The following NETO1 variants were observed in gnomAD, a reference collection of about 807,000 sequenced individuals.
NETO1 encodes neuropilin and tolloid like 1, also known as neuropilin and tolloid-like protein 1.
A neutral mutation model predicts 61.3 loss-of-function variants in NETO1; 26 were observed. The observed-to-expected ratio is 0.42, with a 90% CI of 0.31 to 0.59. The LOEUF (loss-of-function observed/expected upper bound fraction) is 0.59, where lower values mean the gene tolerates loss of function less well. Among genes scored for constraint, NETO1 ranks in the 20% least tolerant of loss-of-function variants. NETO1 has a pLI of 0.12. For missense variants in NETO1, 531 were observed against 662.8 expected, an observed-to-expected ratio of 0.80 and a Z score of 2.18; for synonymous variants, 225 against 225.8, an observed-to-expected ratio of 1.00 and a Z score of 0.03.
At chr18:72,834,410 A>G in intron 4 of NETO1, 1 of 966,454 alleles carries the variant, frequency 1.0e-6, no homozygotes. Context: ...AGGGAGTATA[A>G]GAAAATTTCA....
chr18:72,826,645 G>A (rs944824913), intron 4 of NETO1, among the ~76,000 whole-genome samples: 12 of 151,580 alleles, frequency 7.9e-5, no homozygotes, highest in East Asian at 3.9e-4. Flanking sequence ...TTCTGTTTCC[G>A]TGAGACAGGT....
intron 7 of NETO1, among the ~76,000 whole-genome samples, chr18:72,765,610 G>T (rs905089317): frequency 6.6e-6 from 1 of 151,846 alleles, no homozygotes; most frequent in Non-Finnish European, 1.5e-5. Context: ...GTAGAGATGG[G>T]GTTTCATCAT....
chr18:72,849,696 C>T (rs1470107814), intron 4 of NETO1, among the ~76,000 whole-genome samples: 1 of 152,180 alleles, frequency 6.6e-6, no homozygotes, highest in Non-Finnish European at 1.5e-5. Context: ...ATTACCACAA[C>T]TTAGAACCTT....
At chr18:72,826,957 T>C (rs7236496) in intron 4 of NETO1, among the ~76,000 whole-genome samples, 122,466 of 152,024 alleles carry the variant, frequency 0.81, 50,059 homozygotes, top group Non-Finnish European at 0.86. Context: ...TGTTCTGGCT[T>C]GTCTCCCTTA....
Position 72,830,943 on chromosome 18 carries a change from G to A in NETO1, c.469+27883C>T, listed in dbSNP as rs1055364032. On this transcript the variant is annotated intron_variant, in intron 4 of 10. Coordinates refer to ENST00000327305, the MANE Select transcript of NETO1 (RefSeq NM_138966.5). The surrounding 1 kb of genome is among the most constrained non-coding windows in gnomAD (Gnocchi z 4.9). ...TGTACTTGATAGGGTTGTCAATTAT[G>A]CCTTCTGACTGCAAAATCTTCTTGA... Among the ~76,000 whole-genome samples, 2 of 152,018 alleles carry A rather than the reference G, an allele frequency of 1.3e-5. No individual in the cohort carries two copies. The highest frequency in any genetic ancestry group is 2.9e-5 in the Non-Finnish European group (2 of 68,018).
chr18:72,861,548 G>GA (rs1456463474), intron 3 of NETO1, among the ~76,000 whole-genome samples: 3 of 152,174 alleles, frequency 2.0e-5, no homozygotes, highest in African/African-American at 7.2e-5. Flanking sequence ...ACCACTTTGA[G>GA]AATCTTCAGA....
At chr18:72,863,053 G>A (rs28676295) in intron 3 of NETO1, among the ~76,000 whole-genome samples, 4,685 of 152,172 alleles carry the variant, frequency 0.031, 234 homozygotes, top group African/African-American at 0.1. Flanking sequence ...TCCTTCAGTT[G>A]CTTCATCATC....
chr18:72,783,861 A>G lies in NETO1; in HGVS notation c.685T>C (p.Cys229Arg). The G allele has an allele frequency of 6.2e-7, 1 of 1,614,078 alleles. No individual in the cohort carries two copies. Among genetic ancestry groups the G allele is most frequent in the Non-Finnish European group, 8.5e-7 (1 of 1,179,964 alleles). Residue 229 changes from cysteine (C) to arginine (R), a missense_variant, in exon 7 of 11, where the codon TGC (cysteine) becomes CGC (arginine). Coordinates refer to ENST00000327305, the MANE Select transcript of NETO1 (RefSeq NM_138966.5). ...LDYEMQNSNECKRNFVAVYDG... is the reference protein window; with the variant it reads ...LDYEMQNSNERKRNFVAVYDG... Reference sequence around the variant, plus strand: ...TACACAGCCACAAAATTCCTCTTGCACTCATTTGAATTCTGCATCTCATAG... The same window carrying G: ...TACACAGCCACAAAATTCCTCTTGCGCTCATTTGAATTCTGCATCTCATAG...
Position 72,815,734 on chromosome 18 carries a change from C to T in NETO1, c.470-21330G>A, listed in dbSNP as rs535869032. ...GACATTACTGCAACCATATGCAGGA[C>T]GAATTTTGGCATAGATTTTGGACTG... is the stretch of plus-strand genomic sequence containing the variant. On this transcript the variant is annotated intron_variant, in intron 4 of 10. Transcript: ENST00000327305. 2.5e-4 allele frequency among the ~76,000 whole-genome samples: 38 copies of T among 152,100 alleles called. 1 individual carries two copies. The highest frequency in any genetic ancestry group is 5.1e-4 in the Non-Finnish European group (35 of 68,030).
At position 72,772,516 on chromosome 18, in the gene NETO1, C is replaced by T. The variant is rs117849333; in HGVS notation, c.868+11162G>A. 5.0e-3 allele frequency among the ~76,000 whole-genome samples: 764 copies of T among 151,960 alleles called. 5 individuals are homozygous for T. The highest frequency in any genetic ancestry group is 9.1e-3 in the Non-Finnish European group (618 of 67,962). On this transcript the variant is annotated intron_variant, in intron 7 of 10. Transcript: ENST00000327305. ...AGACAAGCTGTCTGGCTCCAACATT[C>T]CCAACACAGTGGTGGGAGAGGCATA...
intron 4 of NETO1, among the ~76,000 whole-genome samples, chr18:72,852,461 G>A (rs566069952): frequency 1.3e-5 from 2 of 152,210 alleles, no homozygotes; most frequent in East Asian, 1.9e-4. Flanking sequence ...GTGATCCGCC[G>A]GCTTCAACTT....
At chr18:72,751,076 C>CACACACACAA (rs770327024) in intron 8 of NETO1, among the ~76,000 whole-genome samples, 46 of 151,886 alleles carry the variant, frequency 3.0e-4, no homozygotes, top group Middle Eastern at 6.8e-3. Context: ...CACACACACA[C>CACACACACAA]AATCTATCTA....
chr18:72,838,401 A>G (rs142219670), intron 4 of NETO1, among the ~76,000 whole-genome samples: 2 of 152,178 alleles, frequency 1.3e-5, no homozygotes, highest in Non-Finnish European at 2.9e-5. Flanking sequence ...TCTAGGTTTC[A>G]TCTCCCTGAT....
intron 7 of NETO1, among the ~76,000 whole-genome samples, chr18:72,775,865 T>G (rs1390211764): frequency 6.6e-6 from 1 of 151,996 alleles, no homozygotes; most frequent in African/African-American, 2.4e-5. Context: ...TTTTTTCTGT[T>G]TGAATTCAGA....
chr18:72,866,371 C>T (rs1261112282), intron 1 of NETO1, among the ~76,000 whole-genome samples: 26 of 152,056 alleles, frequency 1.7e-4, no homozygotes, highest in Non-Finnish European at 2.9e-5. Context: ...CTAGCCAGTT[C>T]ATTTGCATTT....
chr18:72,778,221 C>T (rs1404522647), intron 7 of NETO1, among the ~76,000 whole-genome samples: 1 of 152,182 alleles, frequency 6.6e-6, no homozygotes, highest in Non-Finnish European at 1.5e-5. Flanking sequence ...TCTGACATAC[C>T]TTCAGTGTCA....
intron 4 of NETO1, among the ~76,000 whole-genome samples, chr18:72,836,825 G>A (rs920575847): frequency 1.3e-5 from 2 of 152,012 alleles, no homozygotes; most frequent in South Asian, 2.1e-4. Context: ...CGTGTATCTC[G>A]GATCTAACTC....
At chr18:72,856,863 A>T (rs1487277024) in intron 4 of NETO1, among the ~76,000 whole-genome samples, 1 of 152,250 alleles carries the variant, frequency 6.6e-6, no homozygotes, top group African/African-American at 2.4e-5. Flanking sequence ...CCAGGTCACC[A>T]GTTGAATGAC....
chr18:72,793,296 A>G (rs2072196039), intron 6 of NETO1, among the ~76,000 whole-genome samples: 1 of 152,150 alleles, frequency 6.6e-6, no homozygotes, highest in South Asian at 2.1e-4. Context: ...GAATGAACAA[A>G]TAACATCTTA....
Sources: allele counts gnomAD v4.1 joint callset (sites outside exome capture counted in the v4.1 genomes callset), GRCh38; gene constraint gnomAD v4.1.1; non-coding constraint Gnocchi (gnomAD v3.1); transcripts MANE v1.5; gene names NCBI Gene and HGNC (gene_info 2026-07-23, HGNC 2026-07-21).